TPCN2: variants seen among roughly 807,000 people sequenced by gnomAD.
The protein encoded by TPCN2 is two pore segment channel 2, also known as two pore channel protein 2.
TPCN2 carries 92 observed loss-of-function variants against 111.4 expected under a neutral mutation model. That is an observed-to-expected ratio of 0.83 (90% CI 0.70 to 0.98). The LOEUF (loss-of-function observed/expected upper bound fraction) is 0.98. Among genes scored for constraint, TPCN2 ranks in the 50% least tolerant of loss-of-function variants. The pLI, the probability that TPCN2 is intolerant of heterozygous loss-of-function variation, is 0.00. For missense variants in TPCN2, 995 were observed against 980.1 expected, an observed-to-expected ratio of 1.02 and a Z score of -0.20; for synonymous variants, 405 against 414.5, an observed-to-expected ratio of 0.98 and a Z score of 0.28.
At position 69,087,112 on chromosome 11, in the gene TPCN2, A is replaced by C; in HGVS notation, c.2086A>C (p.Asn696His). 1 of 1,613,678 alleles carries C rather than the reference A, an allele frequency of 6.2e-7. No homozygotes were observed. Among genetic ancestry groups the C allele is most frequent in the Non-Finnish European group, 8.5e-7 (1 of 1,179,746 alleles). ...ACTGGCCACTCCTCCTGCTTGCCAG[A>C]ACTTCCTTCACAAGTGGGACCCCCG... ...VNLFLALILE[N>H]FLHKWDPRSH... The change falls in exon 24 of 25, where the codon AAC (asparagine) becomes CAC (histidine). Residue 696 changes from asparagine (N) to histidine (H), a missense_variant and splice_region_variant. Transcript: ENST00000294309.
Position 69,054,762 on chromosome 11 carries a change from G to A in TPCN2, c.216G>A (p.Trp72Ter). 6.2e-7 allele frequency: 1 copy of A among 1,614,182 alleles called. No individual in the cohort carries two copies. Among genetic ancestry groups the A allele is most frequent in the Admixed American group, 1.7e-5 (1 of 60,022 alleles). Residue 72 changes from tryptophan (W) to a stop codon, truncating the protein, a stop_gained, in exon 3 of 25, where the codon TGG (tryptophan) becomes TGA (stop). Coordinates refer to ENST00000294309, the MANE Select transcript of TPCN2 (RefSeq NM_139075.4). LOFTEE classifies it high-confidence loss of function. Reference sequence around the variant, plus strand: ...ACCGGGTGGATGCCAGCTCGATGTGGCTTTACCGACGGTATTACTCGAACG... The same window carrying A: ...ACCGGGTGGATGCCAGCTCGATGTGACTTTACCGACGGTATTACTCGAACG... ...INHRVDASSM[W>*]LYRRYYSNVC...
chr11:69,061,001 G>A (rs557077637), intron 5 of TPCN2, among the ~76,000 whole-genome samples: 1 of 152,212 alleles, frequency 6.6e-6, no homozygotes, highest in South Asian at 2.1e-4. Flanking sequence ...TGGAGTGAGC[G>A]CTGGGGATCA....
chr11:69,087,044 G>A (rs1370721086), intron 23 of TPCN2, 68 bp from the exon 24 acceptor site: 3 of 1,408,140 alleles, frequency 2.1e-6, no homozygotes, highest in Non-Finnish European at 3.0e-6. Context: ...CCCTGGAGGG[G>A]CCGGGGATGG....
In TPCN2 at chr11:69,078,479, C is replaced by G. The variant is rs1855882284; in HGVS notation, c.1231-3C>G. On this transcript the variant is annotated splice_polypyrimidine_tract_variant and splice_region_variant and intron_variant, in intron 13 of 24. Coordinates refer to ENST00000294309, the MANE Select transcript of TPCN2 (RefSeq NM_139075.4). ...CTTCTGAGCACGTGTGTTCCTTGCC[C>G]AGCACCCGCCGAGGCCCGAGTACCA... 1 of 1,613,994 alleles carries G rather than the reference C, an allele frequency of 6.2e-7. No homozygotes were observed. The highest frequency in any genetic ancestry group is 8.5e-7 in the Non-Finnish European group (1 of 1,180,028).
intron 19 of TPCN2, 69 bp downstream of exon 19, chr11:69,084,085 C>T: frequency 6.6e-7 from 1 of 1,505,454 alleles, no homozygotes; most frequent in Middle Eastern, 1.9e-4. Flanking sequence ...TGGCGGAAGG[C>T]AGTGCCGGGC....
intron 20 of TPCN2, 57 bp downstream of exon 20, chr11:69,085,343 G>GGGGGGGGGGA: frequency 1.4e-5 from 8 of 581,766 alleles, no homozygotes; most frequent in Non-Finnish European, 2.4e-5. Context: ...GGGTGGGCGG[G>GGGGGGGGGGA]AAGCCTTGGC....
chr11:69,061,532 A>C (rs938852879), intron 5 of TPCN2, among the ~76,000 whole-genome samples: 1 of 152,166 alleles, frequency 6.6e-6, no homozygotes, highest in African/African-American at 2.4e-5. Context: ...TGTGAGGCAG[A>C]GAGAGGAGGT....
intron 6 of TPCN2, among the ~76,000 whole-genome samples, chr11:69,063,511 C>T (rs939610814): frequency 6.6e-5 from 10 of 152,084 alleles, no homozygotes; most frequent in Admixed American, 5.2e-4. Context: ...GATCCCCTGC[C>T]GCCCTCCGCT....
intron 5 of TPCN2, among the ~76,000 whole-genome samples, chr11:69,060,875 C>G (rs1854990292): frequency 6.6e-6 from 1 of 152,210 alleles, no homozygotes; most frequent in South Asian, 2.1e-4. Flanking sequence ...TCCGGGTGAG[C>G]TGGGCGCACA....
intron 13 of TPCN2, among the ~76,000 whole-genome samples, chr11:69,075,892 C>T (rs551089606): frequency 6.6e-6 from 1 of 152,348 alleles, no homozygotes; most frequent in South Asian, 2.1e-4. Flanking sequence ...ACCTCACGGG[C>T]TTTCTACCCA....
At chr11:69,055,869 A>G (rs766022609) in intron 4 of TPCN2, among the ~76,000 whole-genome samples, 1 of 152,172 alleles carries the variant, frequency 6.6e-6, no homozygotes, top group African/African-American at 2.4e-5. Flanking sequence ...TCCCTCCTCA[A>G]GGCTCACCCT....
intron 8 of TPCN2, among the ~76,000 whole-genome samples, chr11:69,068,191 T>A (rs535657243): frequency 6.6e-6 from 1 of 152,364 alleles, no homozygotes; most frequent in African/African-American, 2.4e-5. Flanking sequence ...CCAGCCACCC[T>A]GGCTGGTGCC....
intron 1 of TPCN2, among the ~76,000 whole-genome samples, chr11:69,050,738 A>T (rs1352194407): frequency 6.6e-6 from 1 of 152,238 alleles, no homozygotes; most frequent in Non-Finnish European, 1.5e-5. Flanking sequence ...CCTGGCGGGC[A>T]TTGTGAGGAT....
chr11:69,062,772 G>T (rs1855079768), intron 5 of TPCN2, 112 bp from the exon 6 acceptor site: 9 of 977,586 alleles, frequency 9.2e-6, no homozygotes, highest in Middle Eastern at 2.2e-4. Flanking sequence ...CAGTGACTCT[G>T]GAGTGGCCCC....
chr11:69,084,026 A>G lies in TPCN2; in HGVS notation c.1761+10A>G. ...TGGCGGGATCCTGGTGGTGAGTCCCAGGCTGCTGCTGGTGGCGGGTTATGC... is the reference window on the plus strand; with the variant it reads ...TGGCGGGATCCTGGTGGTGAGTCCCGGGCTGCTGCTGGTGGCGGGTTATGC... On this transcript the variant is annotated intron_variant, in intron 19 of 24. Coordinates refer to ENST00000294309, the MANE Select transcript of TPCN2 (RefSeq NM_139075.4). 2 of 1,613,934 alleles carry G rather than the reference A, an allele frequency of 1.2e-6. No individual in the cohort carries two copies. The highest frequency in any genetic ancestry group is 1.7e-6 in the Non-Finnish European group (2 of 1,179,848).
At chr11:69,072,334 C>T (rs373456990) in intron 11 of TPCN2, among the ~76,000 whole-genome samples, 3 of 152,144 alleles carry the variant, frequency 2.0e-5, no homozygotes, top group South Asian at 2.1e-4. Flanking sequence ...GCCAGAGGTG[C>T]GTGGGCCAGG....
At chr11:69,079,394 A>G in intron 16 of TPCN2, 1 of 291,004 alleles carries the variant, frequency 3.4e-6, no homozygotes. Flanking sequence ...GGGGGCTCTC[A>G]GGCACCAGGG....
intron 13 of TPCN2, 21 bp downstream of exon 13, chr11:69,073,022 C>T (rs71465417): frequency 0.013 from 20,382 of 1,593,802 alleles, 216 homozygotes; most frequent in Non-Finnish European, 0.016. Flanking sequence ...CCACAGCCGC[C>T]CAGGGTGGAT....
chr11:69,050,345 A>C (rs1413043152), intron 1 of TPCN2, among the ~76,000 whole-genome samples: 1 of 152,172 alleles, frequency 6.6e-6, no homozygotes, highest in African/African-American at 2.4e-5. Flanking sequence ...CTGGGGCTGC[A>C]CTGGCTGTGT....
Sources: allele counts gnomAD v4.1 joint callset (sites outside exome capture counted in the v4.1 genomes callset), GRCh38; gene constraint gnomAD v4.1.1; transcripts MANE v1.5; gene names NCBI Gene and HGNC (gene_info 2026-07-23, HGNC 2026-07-21).